Variants in ADCY4 observed in about 807,000 individuals in gnomAD.
The protein encoded by ADCY4 is adenylate cyclase 4.
Under a neutral mutation model 125.5 loss-of-function variants are expected in ADCY4, and 111 were observed. The ratio of observed to expected loss-of-function variants is 0.88; its 90% CI spans 0.76 to 1.04. ADCY4 has a LOEUF of 1.04. Among genes scored for constraint, ADCY4 ranks in the 50% least tolerant of loss-of-function variants. The pLI is 0.00. For synonymous variants in ADCY4, 576 were observed against 586.9 expected (o/e 0.98, Z 0.27); for missense variants, 1,256 against 1,382.9 (o/e 0.91, Z 1.46).
Position 24,322,974 on chromosome 14 carries a change from A to G in ADCY4, c.2272T>C (p.Phe758Leu), listed in dbSNP as rs747051002. ...GACAGCCAGGCATGGGAGTGCAGGA[A>G]GAGGGAGCAGGATGCCGCCAGCCAC... ...LLWLAASCSL[F>L]LHSHAWLSEC... The change falls in exon 18 of 25, where the codon TTC (phenylalanine) becomes CTC (leucine). Residue 758 changes from phenylalanine (F) to leucine (L), a missense_variant. By Grantham distance (22) the Phe-to-Leu change is conservative. Transcript: ENST00000418030. 3 of 1,613,978 alleles carry G rather than the reference A, an allele frequency of 1.9e-6. No homozygotes were observed. Among genetic ancestry groups the G allele is most frequent in the Non-Finnish European group, 2.5e-6 (3 of 1,179,960 alleles).
Position 24,332,677 on chromosome 14 carries a change from A to G in ADCY4, c.364T>C (p.Tyr122His). The change falls in exon 3 of 25, where the codon TAT becomes CAT. Residue 122 changes from tyrosine (Y) to histidine (H), a missense_variant. Tyr to His is a moderately conservative substitution (Grantham distance 83). Transcript: ENST00000418030. ...GVVSAWDQVS[Y>H]FLFVIFTAYA... ...GCCGTGAAGATGACGAAGAGAAAATAGGACACCTGGGGGCGGGGCGCGGGA... is the reference window on the plus strand; with the variant it reads ...GCCGTGAAGATGACGAAGAGAAAATGGGACACCTGGGGGCGGGGCGCGGGA... 6.3e-7 allele frequency: 1 copy of G among 1,588,048 alleles called. No individual in the cohort carries two copies. Among genetic ancestry groups the G allele is most frequent in the Non-Finnish European group, 8.6e-7 (1 of 1,167,312 alleles).
At chr14:24,325,936 C>T (rs925091371) in intron 12 of ADCY4, 49 bp from the exon 13 acceptor site, 1 of 1,578,486 alleles carries the variant, frequency 6.3e-7, no homozygotes, top group Non-Finnish European at 8.6e-7. Flanking sequence ...ACAGAGGGCA[C>T]AGAAGGGCAG....
chr14:24,319,973 T>C lies in ADCY4; in HGVS notation c.2587-85A>G. The C allele has an allele frequency of 6.7e-7, 1 of 1,486,190 alleles. No individual in the cohort carries two copies. Among genetic ancestry groups the C allele is most frequent in the Non-Finnish European group, 9.1e-7 (1 of 1,096,800 alleles). 92.1% of individuals were successfully genotyped at this position (1,486,190 alleles called of 1,614,324 possible). A position where few individuals can be genotyped will look rare whatever the true frequency, so the allele number is the denominator to read the frequency against. On this transcript the variant is annotated intron_variant, in intron 20 of 24. Coordinates refer to ENST00000418030, the MANE Select transcript of ADCY4 (RefSeq NM_001198568.2). This position sits in a 1 kb window ranked among gnomAD's most constrained non-coding sequence, Gnocchi z 4.5. ...TCTGCGTGGGGCCCTCCTCCCCATG[T>C]CCACACTCCTGGTCTCCCTGTTTAA...
chr14:24,332,092 G>T (rs2042050379), intron 3 of ADCY4, 155 bp from the exon 4 acceptor site: 3 of 990,268 alleles, frequency 3.0e-6, no homozygotes, highest in African/African-American at 1.7e-5. Context: ...GCATCCCTAG[G>T]GACGTTTCCC....
chr14:24,325,366 G>T lies in ADCY4; in HGVS notation c.1823+11C>A. 6.2e-7 allele frequency: 1 copy of T among 1,611,240 alleles called. No individual in the cohort carries two copies. Among genetic ancestry groups the T allele is most frequent in the Non-Finnish European group, 8.5e-7 (1 of 1,178,014 alleles). ...GACAGCCAGGGCCTCCTTTGCCTGG[G>T]GCACTCTCACCTGTTTGTCACTAGC... On this transcript the variant is annotated intron_variant, in intron 14 of 24. Transcript: ENST00000418030.
intron 10 of ADCY4, chr14:24,326,571 T>TTGTGTGTGTGTGTG (rs71119070): frequency 1.9e-4 from 53 of 278,280 alleles, no homozygotes; most frequent in African/African-American, 1.2e-3. Context: ...CCCAGGATCT[T>TTGTGTGTGTGTGTG]TGTGTGTGTG....
rs544424920 is a variant in ADCY4, at chr14:24,324,992, T to C, written c.1823+385A>G. On this transcript the variant is annotated intron_variant, in intron 14 of 24. Transcript: ENST00000418030. ...GTGCTGGGATTACAGGCGTGAGCCATCACACCCGGCCACCTGGCTGAGTTA... is the reference window on the plus strand; with the variant it reads ...GTGCTGGGATTACAGGCGTGAGCCACCACACCCGGCCACCTGGCTGAGTTA... Among the ~76,000 whole-genome samples, 13 of 152,204 alleles carry C rather than the reference T, an allele frequency of 8.5e-5. No individual in the cohort carries two copies. In the South Asian group the frequency reaches 1.9e-3, roughly 22 times the overall value.
intron 23 of ADCY4, 128 bp downstream of exon 23, chr14:24,318,970 C>T (rs1169864336): frequency 5.0e-6 from 7 of 1,396,770 alleles, no homozygotes; most frequent in Middle Eastern, 1.8e-4. Flanking sequence ...CTTCACACCC[C>T]ATCCCAGGGA....
chr14:24,325,680 TAGAG>T (rs2041930891), intron 13 of ADCY4, 134 bp downstream of exon 13: 1 of 1,081,188 alleles, frequency 9.2e-7, no homozygotes, highest in Admixed American at 2.2e-5. Context: ...GACTTTCCTT[TAGAG>T]AGAGGCACAA....
rs3078135 is a variant in ADCY4, at chr14:24,326,896, A to ATT, written c.1525-556_1525-555dup. ...GGCATGAGCCACCGTACCTGGCTGG[A>ATT]TTTTTTTTTTTTTTTTTGCAACGGA... On this transcript the variant is annotated intron_variant, in intron 10 of 24. Coordinates refer to ENST00000418030, the MANE Select transcript of ADCY4 (RefSeq NM_001198568.2). Among the ~76,000 whole-genome samples the ATT allele has an allele frequency of 1.5e-4, 17 of 109,916 alleles. 2 individuals carry two copies. Among genetic ancestry groups the ATT allele is most frequent in the Admixed American group, 3.0e-4 (3 of 9,922 alleles). 72.1% of individuals were successfully genotyped at this position (109,916 alleles called of 152,430 possible). A position where few individuals can be genotyped will look rare whatever the true frequency, so the allele number is the denominator to read the frequency against.
Position 24,334,847 on chromosome 14 carries a change from AG to A in ADCY4, c.-196del. On this transcript the variant is annotated 5_prime_UTR_variant, in exon 1 of 25. Coordinates refer to ENST00000418030, the MANE Select transcript of ADCY4 (RefSeq NM_001198568.2). ...CCCAGCCCGCTCCCAGCTGGCGATG[AG>A]GGGATCCCTCAGTCCTTTCCTCCTC... The A allele has an allele frequency of 1.7e-6, 1 of 574,848 alleles. No homozygotes were observed. Among genetic ancestry groups the A allele is most frequent in the Non-Finnish European group, 3.1e-6 (1 of 326,548 alleles). The allele number at this position is 574,848 out of a possible 1,614,324, so 35.6% of individuals were successfully genotyped here.
chr14:24,326,328 A>T lies in ADCY4; in HGVS notation c.1539T>A (p.Ala513=), dbSNP rs765130265. 11 of 1,613,764 alleles carry T rather than the reference A, an allele frequency of 6.8e-6. No individual in the cohort carries two copies. The highest frequency in any genetic ancestry group is 1.6e-4 in the Middle Eastern group (1 of 6,082). ...TSTPLPEKTL[A]SFSTQWSLDR... ...CCAGGCTCCACTGGGTGCTGAAGGA[A>T]GCCAGGGTCTTCTCCTGTTGGGAGA... is the stretch of plus-strand genomic sequence containing the variant. Residue 513 remains alanine, a synonymous_variant, in exon 11 of 25, where the codon GCT becomes GCA. Transcript: ENST00000418030.
At chr14:24,329,785 A>G (rs1419368622) in intron 8 of ADCY4, 75 bp downstream of exon 8, 1 of 1,560,216 alleles carries the variant, frequency 6.4e-7, no homozygotes, top group Non-Finnish European at 8.7e-7. Context: ...ATCTTAAGGA[A>G]CTAATGAAAG....
Position 24,334,530 on chromosome 14 carries a change from G to T in ADCY4, c.123C>A (p.Leu41=). The T allele has an allele frequency of 6.3e-7, 1 of 1,582,980 alleles. No homozygotes were observed. The highest frequency in any genetic ancestry group is 1.8e-5 in the Admixed American group (1 of 56,488). ...CCCAGGCCACTGCGAGCAGCGCCGCGAGCGCACAGAGCACGATCCCCAGCA... is the reference window on the plus strand; with the variant it reads ...CCCAGGCCACTGCGAGCAGCGCCGCTAGCGCACAGAGCACGATCCCCAGCA... ...LLLLGIVLCA[L]AALLAVAWAS... is the part of the protein sequence containing the mutation. Residue 41 remains leucine, a synonymous_variant, in exon 1 of 25, where the codon CTC becomes CTA. Coordinates refer to ENST00000418030, the MANE Select transcript of ADCY4 (RefSeq NM_001198568.2).
chr14:24,326,571 T>G (rs1195368004), intron 10 of ADCY4: 5 of 276,802 alleles, frequency 1.8e-5, no homozygotes, highest in Non-Finnish European at 2.1e-5. Context: ...CCCAGGATCT[T>G]TGTGTGTGTG....
At chr14:24,324,441 T>C (rs6573722) in intron 14 of ADCY4, 50 bp from the exon 15 acceptor site, 654,100 of 1,553,018 alleles carry the variant, frequency 0.42, 141,301 homozygotes, top group East Asian at 0.64. Context: ...AGGCTCCCTG[T>C]GTGCTATGAA....
chr14:24,326,051 C>T, intron 12 of ADCY4, 28 bp downstream of exon 12: 2 of 1,564,370 alleles, frequency 1.3e-6, no homozygotes, highest in Non-Finnish European at 1.7e-6. Context: ...GGGCCTGCGG[C>T]CCCCCCAGCC....
chr14:24,322,323 A>C, intron 19 of ADCY4, 99 bp from the exon 20 acceptor site: 1 of 1,350,910 alleles, frequency 7.4e-7, no homozygotes, highest in South Asian at 1.4e-5. Flanking sequence ...AACCACCCCC[A>C]CCCCACCCCC....
chr14:24,322,757 C>T, intron 18 of ADCY4, 49 bp from the exon 19 acceptor site: 1 of 1,594,930 alleles, frequency 6.3e-7, no homozygotes, highest in Admixed American at 1.8e-5. Flanking sequence ...CCCTTCCTGG[C>T]CTTCTCCCTG....
Sources: gnomAD v4.1 joint callset for allele counts (sites outside exome capture counted in the v4.1 genomes callset) on GRCh38, gnomAD v4.1.1 for gene constraint, Gnocchi (gnomAD v3.1) non-coding constraint, MANE v1.5 for transcripts, NCBI Gene and HGNC (gene_info 2026-07-23, HGNC 2026-07-21) for gene names.